Variants in ITGA9 observed in about 807,000 individuals in gnomAD.
ITGA9 encodes the protein integrin subunit alpha 9.
In ITGA9, 56 loss-of-function variants were observed where a neutral mutation model predicts 127.8. The ratio of observed to expected loss-of-function variants is 0.44; its 90% CI spans 0.35 to 0.55. The LOEUF (loss-of-function observed/expected upper bound fraction) is 0.55, where lower values mean the gene tolerates loss of function less well. ITGA9 is among the 20% of genes least tolerant of loss of function. The pLI is 0.00. For missense variants in ITGA9, 1,196 were observed against 1,347.1 expected (o/e 0.89, Z 1.76); for synonymous variants, 508 against 514.5 (o/e 0.99, Z 0.17).
At chr3:37,507,516 C>T (rs115866602) in intron 7 of ITGA9, among the ~76,000 whole-genome samples, 2,457 of 152,268 alleles carry the variant, frequency 0.016, 43 homozygotes, top group Middle Eastern at 0.031. Flanking sequence ...GCAAACCCCT[C>T]TCACTGGCTA....
intron 15 of ITGA9, among the ~76,000 whole-genome samples, chr3:37,571,075 A>G (rs556306914): frequency 4.1e-4 from 63 of 152,348 alleles, no homozygotes; most frequent in Middle Eastern, 6.8e-3. Flanking sequence ...AACAAGCCCA[A>G]TGAATAGTCC....
chr3:37,743,286 C>T (rs902171284), intron 21 of ITGA9, among the ~76,000 whole-genome samples: 21 of 152,146 alleles, frequency 1.4e-4, no homozygotes, highest in Non-Finnish European at 2.5e-4. Flanking sequence ...ATCTAGAAGT[C>T]GATATTTGTC....
chr3:37,492,789 G>A (rs1698686337), intron 4 of ITGA9, among the ~76,000 whole-genome samples: 1 of 152,162 alleles, frequency 6.6e-6, no homozygotes, highest in South Asian at 2.1e-4. Flanking sequence ...AGAGTCAGTG[G>A]GATGGATATG....
At chr3:37,459,648 A>T (rs1484387919) in intron 1 of ITGA9, among the ~76,000 whole-genome samples, 1 of 152,214 alleles carries the variant, frequency 6.6e-6, no homozygotes, top group Non-Finnish European at 1.5e-5. Context: ...ATGGAGGGGA[A>T]GCTGAGGTAC....
At chr3:37,576,006 A>G (rs560538055) in intron 15 of ITGA9, among the ~76,000 whole-genome samples, 2 of 152,350 alleles carry the variant, frequency 1.3e-5, no homozygotes, top group Admixed American at 6.5e-5. Context: ...GATGATTCTC[A>G]GAAGAAGCCA....
At chr3:37,670,344 C>G (rs150684284) in intron 17 of ITGA9, among the ~76,000 whole-genome samples, 1 of 152,258 alleles carries the variant, frequency 6.6e-6, no homozygotes, top group East Asian at 1.9e-4. Context: ...CTCCTTCCCT[C>G]TGTCCATCAC....
chr3:37,691,610 C>T (rs570043728), intron 18 of ITGA9, among the ~76,000 whole-genome samples: 1 of 152,238 alleles, frequency 6.6e-6, no homozygotes, highest in African/African-American at 2.4e-5. Flanking sequence ...GTCCAGTGAC[C>T]ACCTCCAGCC....
At position 37,517,721 on chromosome 3, in the gene ITGA9, T is replaced by A. The variant is rs750350709; in HGVS notation, c.1141+112T>A. 35 of 797,312 alleles carry A rather than the reference T, an allele frequency of 4.4e-5. No individual in the cohort carries two copies. In the East Asian group the frequency reaches 6.2e-4, roughly 14 times the overall value. The allele number at this position is 797,312 out of a possible 1,614,324, so 49.4% of individuals were successfully genotyped here. On this transcript the variant is annotated intron_variant, in intron 10 of 27. Transcript: ENST00000264741. ...ATCTCTAGTGGCATGCTCCTGGGTC[T>A]ACTGATCCCCTTCGAAGGCCCATCA...
At chr3:37,544,188 C>T (rs1014216483) in intron 15 of ITGA9, among the ~76,000 whole-genome samples, 2 of 152,126 alleles carry the variant, frequency 1.3e-5, no homozygotes, top group African/African-American at 2.4e-5. Flanking sequence ...TTCCTAGTTA[C>T]CAAGGGTACT....
At chr3:37,642,214 G>C (rs1418704434) in intron 16 of ITGA9, among the ~76,000 whole-genome samples, 1 of 152,164 alleles carries the variant, frequency 6.6e-6, no homozygotes, top group Non-Finnish European at 1.5e-5. Context: ...CCTAAGTGCT[G>C]GGATTACAGG....
At chr3:37,610,765 C>T (rs1243631933) in intron 15 of ITGA9, among the ~76,000 whole-genome samples, 1 of 152,146 alleles carries the variant, frequency 6.6e-6, no homozygotes, top group African/African-American at 2.4e-5. Flanking sequence ...GTATTTCCAC[C>T]CTTTCCCGCA....
intron 9 of ITGA9, among the ~76,000 whole-genome samples, chr3:37,515,544 C>G (rs555656678): frequency 1.3e-5 from 2 of 152,256 alleles, no homozygotes; most frequent in East Asian, 3.9e-4. Flanking sequence ...TCAAGACCAG[C>G]CTGGCCAACA....
chr3:37,512,018 CTTTT>C lies in ITGA9; in HGVS notation c.898-1744_898-1741del, dbSNP rs1698916257. The stretch of plus-strand genomic sequence containing the variant: ...CTTTTCTTTTCTTTTCTTTTCTTTT[CTTTT>C]CTTTTCTTTCTTTCTTTCTTTCTTT... On this transcript the variant is annotated intron_variant, in intron 8 of 27. Coordinates refer to ENST00000264741, the MANE Select transcript of ITGA9 (RefSeq NM_002207.3). Among the ~76,000 whole-genome samples the C allele has an allele frequency of 2.1e-4, 7 of 33,080 alleles. 1 individual carries two copies. Among genetic ancestry groups the C allele is most frequent in the Non-Finnish European group, 3.0e-4 (5 of 16,850 alleles). 21.7% of individuals were successfully genotyped at this position (33,080 alleles called of 152,430 possible).
chr3:37,683,752 G>T, intron 17 of ITGA9, 113 bp from the exon 18 acceptor site: 1 of 1,074,610 alleles, frequency 9.3e-7, no homozygotes, highest in Non-Finnish European at 1.4e-6. Flanking sequence ...GGGGCTCCTG[G>T]AACTTGTAGT....
intron 16 of ITGA9, among the ~76,000 whole-genome samples, chr3:37,649,434 T>G (rs1017513787): frequency 2.0e-5 from 3 of 152,178 alleles, no homozygotes; most frequent in Non-Finnish European, 4.4e-5. Flanking sequence ...TGGTTAATAC[T>G]TATATCAACA....
At chr3:37,767,192 T>C (rs573205962) in intron 23 of ITGA9, among the ~76,000 whole-genome samples, 114 of 152,092 alleles carry the variant, frequency 7.5e-4, no homozygotes, top group Non-Finnish European at 8.2e-4. Flanking sequence ...AGAAGTGAAA[T>C]TGTTCATGAA....
At chr3:37,775,752 T>C (rs910293570) in intron 23 of ITGA9, among the ~76,000 whole-genome samples, 1 of 152,034 alleles carries the variant, frequency 6.6e-6, no homozygotes, top group African/African-American at 2.4e-5. Flanking sequence ...TGCTCAACCA[T>C]TGTGGAAAGC....
chr3:37,754,690 T>G (rs1696629108), intron 23 of ITGA9, among the ~76,000 whole-genome samples: 1 of 152,214 alleles, frequency 6.6e-6, no homozygotes, highest in Non-Finnish European at 1.5e-5. Flanking sequence ...GACTTCAATA[T>G]GGCATGAATA....
intron 3 of ITGA9, among the ~76,000 whole-genome samples, chr3:37,473,736 G>T (rs971072402): frequency 1.3e-5 from 2 of 152,070 alleles, no homozygotes; most frequent in Non-Finnish European, 2.9e-5. Context: ...GTGTGTGTGT[G>T]TCTTAAATTG....
Sources: allele counts gnomAD v4.1 joint callset (sites outside exome capture counted in the v4.1 genomes callset), GRCh38; gene constraint gnomAD v4.1.1; transcripts MANE v1.5; gene names NCBI Gene and HGNC (gene_info 2026-07-23, HGNC 2026-07-21).